The following ELMO1 variants were observed in gnomAD, a reference collection of about 807,000 sequenced individuals.
ELMO1 encodes the protein engulfment and cell motility 1.
In ELMO1, 26 loss-of-function variants were observed where a neutral mutation model predicts 98.9. The observed-to-expected ratio is 0.26, with a 90% CI of 0.19 to 0.36. The LOEUF (loss-of-function observed/expected upper bound fraction) is 0.36. Among genes scored for constraint, ELMO1 ranks in the 10% least tolerant of loss-of-function variants. ELMO1 has a pLI of 1.00. For synonymous variants in ELMO1, 346 were observed against 346.0 expected, an observed-to-expected ratio of 1.00 and a Z score of 0.00; for missense variants, 627 against 935.2, an observed-to-expected ratio of 0.67 and a Z score of 4.30.
intron 2 of ELMO1, among the ~76,000 whole-genome samples, chr7:37,327,417 G>A (rs1279853324): frequency 2.6e-5 from 4 of 152,204 alleles, no homozygotes; most frequent in African/African-American, 9.6e-5. Flanking sequence ...ATCAGGCTAG[G>A]AGAGTAGATA....
intron 1 of ELMO1, among the ~76,000 whole-genome samples, chr7:37,367,760 CAA>C (rs1562646623): frequency 6.6e-6 from 1 of 152,036 alleles, no homozygotes; most frequent in Admixed American, 6.6e-5. Flanking sequence ...AACAAACAAA[CAA>C]AAGACACTGG....
chr7:36,968,026 A>G (rs1789598689), intron 16 of ELMO1, among the ~76,000 whole-genome samples: 1 of 152,274 alleles, frequency 6.6e-6, no homozygotes, highest in African/African-American at 2.4e-5. Context: ...GTAATATTAG[A>G]AAGAAATATA....
intron 14 of ELMO1, among the ~76,000 whole-genome samples, chr7:37,126,175 A>C (rs1445193844): frequency 6.6e-6 from 1 of 151,902 alleles, no homozygotes; most frequent in Admixed American, 6.6e-5. Flanking sequence ...GAGGGATAGC[A>C]TTAGGAGATA....
intron 15 of ELMO1, among the ~76,000 whole-genome samples, chr7:37,087,431 T>G (rs1783847827): frequency 6.6e-6 from 1 of 152,148 alleles, no homozygotes; most frequent in African/African-American, 2.4e-5. Flanking sequence ...CTTGTCACTT[T>G]CTGGCAGATT....
chr7:37,169,531 A>T (rs555888708), intron 13 of ELMO1, among the ~76,000 whole-genome samples: 4 of 152,184 alleles, frequency 2.6e-5, no homozygotes, highest in African/African-American at 9.7e-5. Context: ...CAAATGTTCA[A>T]ATTGAGTCAC....
intron 16 of ELMO1, among the ~76,000 whole-genome samples, chr7:36,909,339 G>A (rs1410008211): frequency 1.3e-5 from 2 of 152,180 alleles, no homozygotes; most frequent in African/African-American, 4.8e-5. Context: ...CTTGGAATTA[G>A]CATGGACATC....
chr7:36,969,987 T>C (rs1483211382), intron 16 of ELMO1, among the ~76,000 whole-genome samples: 1 of 152,126 alleles, frequency 6.6e-6, no homozygotes, highest in Non-Finnish European at 1.5e-5. Context: ...AAAATTATTA[T>C]AAAAGTCAAA....
At chr7:36,976,543 G>A (rs1008897097) in intron 16 of ELMO1, among the ~76,000 whole-genome samples, 30 of 152,158 alleles carry the variant, frequency 2.0e-4, no homozygotes, top group African/African-American at 5.8e-4. Flanking sequence ...CATTGGGAAC[G>A]CATCTCTTAA....
chr7:37,194,417 T>G (rs998422218), intron 13 of ELMO1, among the ~76,000 whole-genome samples: 2 of 152,226 alleles, frequency 1.3e-5, no homozygotes, highest in East Asian at 3.8e-4. Flanking sequence ...GCTCCACACC[T>G]TTTCTTTCAC....
At chr7:37,041,244 CTATAATGTCCT>C (rs1795492199) in intron 15 of ELMO1, among the ~76,000 whole-genome samples, 2 of 152,176 alleles carry the variant, frequency 1.3e-5, no homozygotes, top group South Asian at 4.1e-4. Context: ...TTGGCTGTCC[CTATAATGTCCT>C]TAGGGGAAAG....
rs140574273 is a variant in ELMO1, at chr7:37,022,223, T to G, written c.1301-8788A>C. On this transcript the variant is annotated intron_variant, in intron 15 of 21. Coordinates refer to ENST00000310758, the MANE Select transcript of ELMO1 (RefSeq NM_014800.11). ...TTCTTAAACAAAACAGAAATATCAT[T>G]AATCATAAGAAAACTGTTTGATTCT... Among the ~76,000 whole-genome samples the G allele has an allele frequency of 1.4e-4, 22 of 152,300 alleles. No individual in the cohort carries two copies. The East Asian group carries it at 4.0e-3, about 28-fold the overall frequency.
intron 2 of ELMO1, among the ~76,000 whole-genome samples, chr7:37,335,501 C>G (rs1399466907): frequency 6.6e-6 from 1 of 152,124 alleles, no homozygotes; most frequent in Non-Finnish European, 1.5e-5. Context: ...CAAAGCCACC[C>G]TAAAGAATCT....
At chr7:37,152,607 G>A (rs1264787679) in intron 13 of ELMO1, among the ~76,000 whole-genome samples, 3 of 152,210 alleles carry the variant, frequency 2.0e-5, no homozygotes, top group Admixed American at 1.3e-4. Context: ...GTATACACAC[G>A]ATCGTAAAAG....
chr7:36,895,789 C>G (rs548034602), intron 16 of ELMO1, among the ~76,000 whole-genome samples: 1 of 152,304 alleles, frequency 6.6e-6, no homozygotes, highest in South Asian at 2.1e-4. Context: ...CATCTCAGAG[C>G]TTGCTGCTTC....
chr7:37,429,079 G>A (rs140407342), intron 1 of ELMO1, among the ~76,000 whole-genome samples: 1 of 152,326 alleles, frequency 6.6e-6, no homozygotes, highest in East Asian at 1.9e-4. Flanking sequence ...GGGCAAGGGA[G>A]GAGGTATGGA....
At chr7:37,232,884 C>T (rs896820235) in intron 8 of ELMO1, among the ~76,000 whole-genome samples, 14 of 152,084 alleles carry the variant, frequency 9.2e-5, no homozygotes, top group African/African-American at 3.1e-4. Context: ...GCTATGGGTG[C>T]GCACATGCAA....
At chr7:36,884,360 T>G (rs1465736348) in intron 18 of ELMO1, among the ~76,000 whole-genome samples, 1 of 151,768 alleles carries the variant, frequency 6.6e-6, no homozygotes, top group Non-Finnish European at 1.5e-5. Context: ...CGAGCTAAAA[T>G]TAATAGCAAA....
chr7:36,864,454 G>A (rs1051140225), intron 20 of ELMO1, among the ~76,000 whole-genome samples: 10 of 152,122 alleles, frequency 6.6e-5, no homozygotes, highest in Non-Finnish European at 2.9e-5. Flanking sequence ...GGAGGGGGTG[G>A]GAGGAATTAA....
At chr7:36,889,034 G>A (rs1033945819) in intron 17 of ELMO1, among the ~76,000 whole-genome samples, 2 of 152,178 alleles carry the variant, frequency 1.3e-5, no homozygotes, top group Non-Finnish European at 2.9e-5. Context: ...TGGAGGTTAC[G>A]TGTGGAATAT....
Sources: allele counts gnomAD v4.1 joint callset (sites outside exome capture counted in the v4.1 genomes callset), GRCh38; gene constraint gnomAD v4.1.1; transcripts MANE v1.5; gene names NCBI Gene and HGNC (gene_info 2026-07-23, HGNC 2026-07-21).